Variants in SIPA1L1 observed in about 807,000 individuals in gnomAD.
The protein encoded by SIPA1L1 is signal-induced proliferation-associated 1-like protein 1.
SIPA1L1 carries 26 observed loss-of-function variants against 162.7 expected under a neutral mutation model. That is an observed-to-expected ratio of 0.16 (90% CI 0.12 to 0.22). The LOEUF is 0.22. SIPA1L1 is among the 10% of genes least tolerant of loss of function. SIPA1L1 has a pLI of 1.00. For missense variants in SIPA1L1, 1,874 were observed against 2,241.0 expected (o/e 0.84, Z 3.31); for synonymous variants, 829 against 837.4 (o/e 0.99, Z 0.17).
Position 71,530,234 on chromosome 14 carries a change from A to T in SIPA1L1, c.-303+864A>T, listed in dbSNP as rs1045127730. 3.9e-5 allele frequency among the ~76,000 whole-genome samples: 6 copies of T among 152,342 alleles called. No individual in the cohort carries two copies. In the East Asian group the frequency reaches 1.2e-3, roughly 29 times the overall value. ...TAATACCATTAAATTAAACTGGCAG[A>T]GTGTGTTGGTGTTGACTGGCATACT... On this transcript the variant is annotated intron_variant, in intron 4 of 23. Transcript: ENST00000381232.
chr14:71,473,012 A>G (rs539573629), intron 2 of SIPA1L1, among the ~76,000 whole-genome samples: 10 of 152,078 alleles, frequency 6.6e-5, no homozygotes, highest in South Asian at 2.1e-4. Context: ...CACCTGGCTT[A>G]ATTTTCCACT....
At chr14:71,454,332 T>C (rs1463880831) in intron 2 of SIPA1L1, among the ~76,000 whole-genome samples, 1 of 152,232 alleles carries the variant, frequency 6.6e-6, no homozygotes, top group Admixed American at 6.5e-5. Context: ...TGGTTTAAAT[T>C]GAACAACTCT....
chr14:71,450,117 A>C (rs1261765469), intron 2 of SIPA1L1, among the ~76,000 whole-genome samples: 1 of 152,160 alleles, frequency 6.6e-6, no homozygotes, highest in Non-Finnish European at 1.5e-5. Context: ...TCTGCTAAAT[A>C]TATCTTTATA....
intron 2 of SIPA1L1, among the ~76,000 whole-genome samples, chr14:71,460,713 AGGGGTGAT>A (rs931108496): frequency 6.6e-6 from 1 of 152,314 alleles, no homozygotes. Flanking sequence ...GTGGATCACT[AGGGGTGAT>A]GGTGAGTGGT....
At chr14:71,608,032 A>G (rs936344279) in intron 5 of SIPA1L1, among the ~76,000 whole-genome samples, 3 of 152,162 alleles carry the variant, frequency 2.0e-5, no homozygotes, top group Admixed American at 6.5e-5. Context: ...CTCAAAAAAA[A>G]TTTTGCTTTA....
chr14:71,535,145 G>GA lies in SIPA1L1; in HGVS notation c.-303+5777dup, dbSNP rs2053782087. ...CACAGAACACAGAGCACACCATTGAGAAGGGGCAGGGGGACCCTATGCCAA... is the reference window on the plus strand; with the variant it reads ...CACAGAACACAGAGCACACCATTGAGAAAGGGGCAGGGGGACCCTATGCCAA... On this transcript the variant is annotated intron_variant, in intron 4 of 23. Transcript: ENST00000381232. Among the ~76,000 whole-genome samples the GA allele has an allele frequency of 2.0e-5, 3 of 152,344 alleles. No homozygotes were observed. In the South Asian group the frequency reaches 6.2e-4, roughly 32 times the overall value.
chr14:71,562,875 G>A (rs2056903811), intron 4 of SIPA1L1, among the ~76,000 whole-genome samples: 1 of 152,234 alleles, frequency 6.6e-6, no homozygotes, highest in South Asian at 2.1e-4. Context: ...GGCTGGTCTT[G>A]AGCTCCTGAC....
chr14:71,706,454 A>G (rs1332848773), intron 16 of SIPA1L1, among the ~76,000 whole-genome samples: 1 of 152,214 alleles, frequency 6.6e-6, no homozygotes, highest in Non-Finnish European at 1.5e-5. Context: ...TTAAAATTAC[A>G]TATATGGTTC....
At position 71,334,641 on chromosome 14, in the gene SIPA1L1, T is replaced by C. The variant is rs998547701; in HGVS notation, c.-465+13460T>C. On this transcript the variant is annotated intron_variant, in intron 2 of 23. Coordinates refer to ENST00000381232, the MANE Select transcript of SIPA1L1 (RefSeq NM_001386936.1). ...TATTGTAGTAGAAAAATGGCTCTTA[T>C]CTTTCTCAAATTCTTTATTTTAGGC... is the stretch of plus-strand genomic sequence containing the variant. Among the ~76,000 whole-genome samples the C allele has an allele frequency of 2.0e-5, 3 of 152,334 alleles. No homozygotes were observed. In the South Asian group the frequency reaches 6.2e-4, roughly 32 times the overall value.
chr14:71,430,982 C>T (rs2043944432), intron 2 of SIPA1L1, among the ~76,000 whole-genome samples: 2 of 152,058 alleles, frequency 1.3e-5, no homozygotes, highest in African/African-American at 4.8e-5. Context: ...TATAGATATA[C>T]ATATACACTT....
intron 4 of SIPA1L1, among the ~76,000 whole-genome samples, chr14:71,556,035 G>T (rs2056321217): frequency 6.6e-6 from 1 of 152,172 alleles, no homozygotes; most frequent in Admixed American, 6.5e-5. Flanking sequence ...GACAGGAAGT[G>T]AGCACATGCT....
intron 2 of SIPA1L1, among the ~76,000 whole-genome samples, chr14:71,431,102 A>G (rs1434171130): frequency 3.3e-5 from 5 of 152,204 alleles, no homozygotes; most frequent in African/African-American, 1.2e-4. Flanking sequence ...AGATAATTAA[A>G]TGCACGATAT....
At chr14:71,684,626 G>A (rs1030960302) in intron 12 of SIPA1L1, among the ~76,000 whole-genome samples, 3 of 151,544 alleles carry the variant, frequency 2.0e-5, no homozygotes, top group South Asian at 2.1e-4. Context: ...TTCAGAGCCT[G>A]GTCATGGTGT....
At chr14:71,699,224 T>C (rs1003452477) in intron 14 of SIPA1L1, 97 bp downstream of exon 14, 1 of 1,178,782 alleles carries the variant, frequency 8.5e-7, no homozygotes, top group Non-Finnish European at 1.2e-6. Flanking sequence ...CAGCCAGCCT[T>C]GATCAATTTG....
At chr14:71,458,853 C>G (rs1369701904) in intron 2 of SIPA1L1, among the ~76,000 whole-genome samples, 1 of 151,988 alleles carries the variant, frequency 6.6e-6, no homozygotes, top group Non-Finnish European at 1.5e-5. Context: ...TGGGGATTAC[C>G]TGAGCTCAGG....
At chr14:71,496,938 G>A (rs1460321315) in intron 2 of SIPA1L1, among the ~76,000 whole-genome samples, 3 of 152,112 alleles carry the variant, frequency 2.0e-5, no homozygotes, top group African/African-American at 4.8e-5. Context: ...TTGGGAGGCC[G>A]AGGCAGGAGG....
chr14:71,417,192 A>T (rs2042832545), intron 2 of SIPA1L1, among the ~76,000 whole-genome samples: 3 of 152,172 alleles, frequency 2.0e-5, no homozygotes, highest in Admixed American at 2.0e-4. Context: ...CAATAACATA[A>T]GCTAGAGAGA....
chr14:71,709,730 C>A, intron 17 of SIPA1L1, 66 bp downstream of exon 17: 2 of 1,396,766 alleles, frequency 1.4e-6, no homozygotes, highest in Non-Finnish European at 2.0e-6. Context: ...GGCCTCAGCC[C>A]ACTTTACTTT....
chr14:71,667,163 A>G (rs1476882497), intron 10 of SIPA1L1, among the ~76,000 whole-genome samples: 1 of 152,050 alleles, frequency 6.6e-6, no homozygotes, highest in Non-Finnish European at 1.5e-5. Context: ...CCCCATGCCT[A>G]CCTCACTCCT....
Sources: gnomAD v4.1 joint callset for allele counts (sites outside exome capture counted in the v4.1 genomes callset) on GRCh38, gnomAD v4.1.1 for gene constraint, MANE v1.5 for transcripts, NCBI Gene and HGNC (gene_info 2026-07-23, HGNC 2026-07-21) for gene names.